Variants in SEMA6C observed in about 807,000 individuals in gnomAD.
The protein encoded by SEMA6C is semaphorin 6C.
In SEMA6C, 37 loss-of-function variants were observed where a neutral mutation model predicts 72.9. That is an observed-to-expected ratio of 0.51 (90% confidence interval 0.39 to 0.67). The LOEUF (loss-of-function observed/expected upper bound fraction) is 0.67. SEMA6C is among the 30% of genes least tolerant of loss of function. The pLI is 0.00. For missense variants in SEMA6C, 1,189 were observed against 1,263.6 expected, an observed-to-expected ratio of 0.94 and a Z score of 0.89; for synonymous variants, 578 against 554.1, an observed-to-expected ratio of 1.04 and a Z score of -0.61.
At chr1:151,143,425 A>G (rs988581317) in intron 2 of SEMA6C, among the ~76,000 whole-genome samples, 1 of 152,132 alleles carries the variant, frequency 6.6e-6, no homozygotes, top group African/African-American at 2.4e-5. Flanking sequence ...CAGGCTCTCT[A>G]GCCCCCTGCT....
chr1:151,132,374 G>A lies in SEMA6C; in HGVS notation c.*110C>T, dbSNP rs1681605574. The A allele has an allele frequency of 6.5e-6, 10 of 1,531,916 alleles. No homozygotes were observed. Among genetic ancestry groups the A allele is most frequent in the South Asian group, 2.4e-5 (2 of 81,768 alleles). 94.9% of individuals were successfully genotyped at this position (1,531,916 alleles called of 1,614,324 possible). A position where few individuals can be genotyped will look rare whatever the true frequency, so the allele number is the denominator to read the frequency against. On this transcript the variant is annotated 3_prime_UTR_variant, in exon 19 of 19. Coordinates refer to ENST00000368914, the MANE Select transcript of SEMA6C (RefSeq NM_030913.6). ...GGCCTCGGGAGACTCTGCGAGTCGG[G>A]AAGGCTGGAGGTGCGGGGCGAGGGG... is the stretch of plus-strand genomic sequence containing the variant.
intron 10 of SEMA6C, 73 bp downstream of exon 10, chr1:151,137,637 TC>T: frequency 8.3e-7 from 1 of 1,205,540 alleles, no homozygotes. Flanking sequence ...TCAGGAGATC[TC>T]CTCCCACTCA....
Position 151,133,730 on chromosome 1 carries a change from T to C in SEMA6C, c.1760-213A>G, listed in dbSNP as rs925679561. On this transcript the variant is annotated intron_variant, in intron 18 of 18. Transcript: ENST00000368914. This position sits in a 1 kb window ranked among gnomAD's most constrained non-coding sequence, Gnocchi z 5.9. ...CTACCCCTCACACTCAGGCCAGAGC[T>C]TGGGCCTGGGGATTCCCCATCCCAC... Among the ~76,000 whole-genome samples, 23 of 152,164 alleles carry C rather than the reference T, an allele frequency of 1.5e-4. 1 individual carries two copies. The highest frequency in any genetic ancestry group is 1.2e-3 in the Admixed American group (18 of 15,284).
intron 8 of SEMA6C, 29 bp from the exon 9 acceptor site, chr1:151,138,134 G>A: frequency 1.2e-6 from 2 of 1,611,388 alleles, no homozygotes; most frequent in Non-Finnish European, 1.7e-6. Context: ...TGGGGTCAGG[G>A]GAGGGCTCAG....
intron 1 of SEMA6C, chr1:151,144,936 C>G (rs1452391312): frequency 1.3e-5 from 2 of 152,416 alleles, no homozygotes; most frequent in Admixed American, 1.3e-4. Context: ...CACACACACT[C>G]ACACCCCACT....
At chr1:151,143,140 T>C (rs1244642680) in intron 2 of SEMA6C, among the ~76,000 whole-genome samples, 1 of 152,168 alleles carries the variant, frequency 6.6e-6, no homozygotes, top group Non-Finnish European at 1.5e-5. Flanking sequence ...CTGGGAGCAA[T>C]GCAGGCACTG....
intron 15 of SEMA6C, 34 bp from the exon 16 acceptor site, chr1:151,134,909 C>T (rs1181541402): frequency 1.3e-6 from 2 of 1,578,756 alleles, no homozygotes; most frequent in Admixed American, 3.3e-5. Context: ...GGCTGGATCC[C>T]TTTCTACTCC....
Position 151,133,358 on chromosome 1 carries a change from A to C in SEMA6C, c.1919T>G (p.Ile640Ser). The change falls in exon 19 of 19, where the codon ATC becomes AGC. Residue 640 changes from isoleucine (I) to serine (S), a missense_variant. Transcript: ENST00000368914. This position sits in a 1 kb window ranked among gnomAD's most constrained non-coding sequence, Gnocchi z 5.9. ...AGGGCGCGGGAGCCCCGGAGTCTCG[A>C]TGTCCTTGCCCCGACGTCGGTGGGC... is the stretch of plus-strand genomic sequence containing the variant. ...RRAHRRRGKD[I>S]ETPGLPRPLS... 1 of 1,600,178 alleles carries C rather than the reference A, an allele frequency of 6.2e-7. No homozygotes were observed. Among genetic ancestry groups the C allele is most frequent in the Non-Finnish European group, 8.5e-7 (1 of 1,175,678 alleles).
At position 151,139,974 on chromosome 1, in the gene SEMA6C, A is replaced by C; in HGVS notation, c.233+2T>G. 1 of 1,613,532 alleles carries C rather than the reference A, an allele frequency of 6.2e-7. No homozygotes were observed. The highest frequency in any genetic ancestry group is 1.1e-5 in the South Asian group (1 of 91,004). On this transcript the variant is annotated splice_donor_variant, in intron 4 of 18. Coordinates refer to ENST00000368914, the MANE Select transcript of SEMA6C (RefSeq NM_030913.6). LOFTEE classifies it high-confidence loss of function. ...CCCACAACTGTGCCACGGCCAGTTT[A>C]CCGGGCAGCCACTAGCAAGGTCCGG...
rs1395688333 is a variant in SEMA6C, at chr1:151,136,047, GGT to G, written c.1221_1222del (p.Pro408CysfsTer11). The G allele has an allele frequency of 6.2e-7, 1 of 1,614,194 alleles. No individual in the cohort carries two copies. Among genetic ancestry groups the G allele is most frequent in the Non-Finnish European group, 8.5e-7 (1 of 1,180,036 alleles). ...AGTGAGTAGAGGCTGATGGGTGACA[GGT>G]GGTACAGCGGGGTCCAGCAGCGGGT... On this transcript the variant is annotated frameshift_variant, in exon 13 of 19. Transcript: ENST00000368914. LOFTEE classifies it high-confidence loss of function.
chr1:151,138,900 C>G (rs1361653703), intron 6 of SEMA6C, among the ~76,000 whole-genome samples, 169 bp from the exon 7 acceptor site: 1 of 152,088 alleles, frequency 6.6e-6, no homozygotes, highest in Admixed American at 6.6e-5. Flanking sequence ...CAAGACCAGC[C>G]TGGGCAACAC....
chr1:151,138,483 C>G, intron 7 of SEMA6C, 77 bp from the exon 8 acceptor site: 1 of 1,474,258 alleles, frequency 6.8e-7, no homozygotes. Flanking sequence ...CCTCCTGTCC[C>G]GTTGCCTCCT....
intron 2 of SEMA6C, among the ~76,000 whole-genome samples, chr1:151,143,238 G>A (rs2101652502): frequency 6.6e-6 from 1 of 152,334 alleles, no homozygotes; most frequent in South Asian, 2.1e-4. Context: ...AGAGGTCACT[G>A]TGCTGGTCTA....
rs760349029 is a variant in SEMA6C, at chr1:151,138,398, C to T, written c.465G>A (p.Ser155=). The T allele has an allele frequency of 9.3e-6, 15 of 1,613,428 alleles. No individual in the cohort carries two copies. The highest frequency in any genetic ancestry group is 2.7e-5 in the African/African-American group (2 of 74,908). The change falls in exon 8 of 19, where the codon TCG becomes TCA. Residue 155 remains serine (S), a synonymous_variant. Coordinates refer to ENST00000368914, the MANE Select transcript of SEMA6C (RefSeq NM_030913.6). ...TCAGTTCCTCACCCTCCTGCTGCAG[C>T]GAAGTTATCTGAGGGCAGAGGGAGC... ...SPVCRSYGIT[S]LQQEGEELSG...
chr1:151,135,875 G>C (rs1681980048), intron 13 of SEMA6C, 111 bp from the exon 14 acceptor site: 1 of 1,512,566 alleles, frequency 6.6e-7, no homozygotes, highest in Admixed American at 1.9e-5. Flanking sequence ...CAGGCCCCAG[G>C]GTTGCCTTCT....
intron 6 of SEMA6C, among the ~76,000 whole-genome samples, 153 bp from the exon 7 acceptor site, chr1:151,138,884 G>A (rs1682281521): frequency 6.6e-6 from 1 of 152,112 alleles, no homozygotes; most frequent in African/African-American, 2.4e-5. Context: ...CCTGAGTTCA[G>A]GAGTTCAAGA....
chr1:151,132,329 A>G lies in SEMA6C; in HGVS notation c.*155T>C. The G allele has an allele frequency of 6.5e-7, 1 of 1,542,092 alleles. No individual in the cohort carries two copies. Among genetic ancestry groups the G allele is most frequent in the Non-Finnish European group, 8.7e-7 (1 of 1,145,430 alleles). On this transcript the variant is annotated 3_prime_UTR_variant, in exon 19 of 19. Coordinates refer to ENST00000368914, the MANE Select transcript of SEMA6C (RefSeq NM_030913.6). ...GGACAGGGGGAAAGACAGTCAATAA[A>G]TAAACCCGAGGCGAAAAGGGGCCTC...
At chr1:151,136,354 A>G in intron 12 of SEMA6C, 94 bp downstream of exon 12, 1 of 1,538,228 alleles carries the variant, frequency 6.5e-7, no homozygotes, top group Non-Finnish European at 8.8e-7. Context: ...CCCCACCCTG[A>G]GGCCTTGGAC....
chr1:151,132,781 G>A lies in SEMA6C; in HGVS notation c.2496C>T (p.Pro832=), dbSNP rs945556458. The change falls in exon 19 of 19, where the codon CCC becomes CCT. Residue 832 remains proline (P), a synonymous_variant. Transcript: ENST00000368914. The part of the protein sequence containing the change: ...VPPEGRCASA[P]ARPALSAPAP... Reference sequence around the variant, plus strand: ...CGGGGGCGGAGAGCGCGGGCCGGGCGGGGGCAGAGGCGCACCTGCCCTCGG... The same window carrying A: ...CGGGGGCGGAGAGCGCGGGCCGGGCAGGGGCAGAGGCGCACCTGCCCTCGG... The A allele has an allele frequency of 1.5e-6, 2 of 1,366,332 alleles. No homozygotes were observed. The highest frequency in any genetic ancestry group is 1.5e-5 in the African/African-American group (1 of 64,666). The allele number at this position is 1,366,332 out of a possible 1,614,324, so 84.6% of individuals were successfully genotyped here.
Sources: gnomAD v4.1 joint callset for allele counts (sites outside exome capture counted in the v4.1 genomes callset) on GRCh38, gnomAD v4.1.1 for gene constraint, Gnocchi (gnomAD v3.1) non-coding constraint, MANE v1.5 for transcripts, NCBI Gene and HGNC (gene_info 2026-07-23, HGNC 2026-07-21) for gene names.